The following CPVL variants were observed in gnomAD, a reference collection of about 807,000 sequenced individuals.
CPVL encodes the protein probable serine carboxypeptidase CPVL.
Under a neutral mutation model 63.7 loss-of-function variants are expected in CPVL, and 51 were observed. The ratio of observed to expected loss-of-function variants is 0.80; its 90% confidence interval spans 0.64 to 1.01. The LOEUF is 1.01. Among genes scored for constraint, CPVL ranks in the 50% least tolerant of loss-of-function variants. CPVL has a pLI of 0.00. For synonymous variants in CPVL, 195 were observed against 206.0 expected, an observed-to-expected ratio of 0.95 and a Z score of 0.46; for missense variants, 530 against 573.1, an observed-to-expected ratio of 0.92 and a Z score of 0.77.
intron 1 of CPVL, among the ~76,000 whole-genome samples, chr7:29,139,655 G>A (rs758381300): frequency 2.6e-5 from 4 of 152,020 alleles, no homozygotes; most frequent in Non-Finnish European, 5.9e-5. Context: ...CAGACGTCTC[G>A]GATTTTGCAG....
chr7:29,108,477 T>G (rs1377635531), intron 3 of CPVL, among the ~76,000 whole-genome samples: 1 of 152,226 alleles, frequency 6.6e-6, no homozygotes, highest in Non-Finnish European at 1.5e-5. Flanking sequence ...TAGCAATTAA[T>G]CCACCTTGAT....
chr7:29,156,926 C>G (rs569874122), intron 5 of CPVL, among the ~76,000 whole-genome samples: 3 of 152,214 alleles, frequency 2.0e-5, no homozygotes, highest in East Asian at 3.9e-4. Context: ...AATTTTAACA[C>G]AAGAAAAGAC....
chr7:29,130,538 T>C (rs114180563), intron 1 of CPVL, among the ~76,000 whole-genome samples: 14 of 152,270 alleles, frequency 9.2e-5, no homozygotes, highest in African/African-American at 3.4e-4. Context: ...GCACACCTTT[T>C]CTTGACTGTG....
At chr7:28,998,235 G>C (rs1295064459) in intron 12 of CPVL, among the ~76,000 whole-genome samples, 1 of 152,212 alleles carries the variant, frequency 6.6e-6, no homozygotes, top group African/African-American at 2.4e-5. Flanking sequence ...ACTTAACAAA[G>C]TCATATGTGT....
chr7:29,022,782 T>C (rs1464000665), intron 12 of CPVL, among the ~76,000 whole-genome samples: 2 of 152,226 alleles, frequency 1.3e-5, no homozygotes, highest in Non-Finnish European at 2.9e-5. Context: ...CCTGTGGGCA[T>C]TGTCCAGAGG....
chr7:29,135,794 G>A (rs1182434445), intron 1 of CPVL, among the ~76,000 whole-genome samples: 2 of 152,172 alleles, frequency 1.3e-5, no homozygotes, highest in Admixed American at 6.5e-5. Flanking sequence ...TAGCTTGCAG[G>A]CTCAAGCAAT....
rs556348582 is a variant in CPVL at position 29,184,242 on chromosome 7, A to G, written c.-134+179T>C. On this transcript the variant is annotated intron_variant, in intron 4 of 16. Coordinates refer to the CPVL transcript ENST00000409850. Reference sequence around the variant, plus strand: ...AGAAATATATATAGGAGATATACATATACAATCTATATATAAGATATATAG... The same window carrying G: ...AGAAATATATATAGGAGATATACATGTACAATCTATATATAAGATATATAG... Among the ~76,000 whole-genome samples the G allele has an allele frequency of 2.6e-4, 39 of 150,902 alleles. 1 individual carries two copies. Among genetic ancestry groups the G allele is most frequent in the Middle Eastern group, 3.6e-3 (1 of 280 alleles).
chr7:29,121,181 G>A (rs1789335112), intron 1 of CPVL, 110 bp from the exon 2 acceptor site: 1 of 1,053,808 alleles, frequency 9.5e-7, no homozygotes, highest in Admixed American at 3.3e-5. Context: ...TGTGTGTAAA[G>A]GCCCTCTGCA....
intron 12 of CPVL, among the ~76,000 whole-genome samples, chr7:29,007,586 AG>A (rs1417634788): frequency 6.6e-6 from 1 of 152,232 alleles, no homozygotes; most frequent in Admixed American, 6.5e-5. Flanking sequence ...CATGCAACAC[AG>A]AAAGGAAATA....
chr7:29,132,010 GA>G (rs1480701490), intron 1 of CPVL, among the ~76,000 whole-genome samples: 1 of 152,216 alleles, frequency 6.6e-6, no homozygotes, highest in Admixed American at 6.5e-5. Context: ...CTGCCTTCAT[GA>G]ACTGAGGAAG....
intron 1 of CPVL, chr7:29,127,372 G>A (rs888544897): frequency 1.3e-5 from 2 of 152,130 alleles, no homozygotes; most frequent in African/African-American, 4.8e-5. Flanking sequence ...ACAAAAAACT[G>A]TACTGATTGC....
intron 4 of CPVL, among the ~76,000 whole-genome samples, chr7:29,183,660 A>G (rs557010294): frequency 5.3e-5 from 8 of 152,106 alleles, no homozygotes; most frequent in African/African-American, 1.9e-4. Flanking sequence ...TACAGGTGTG[A>G]GCCACCACAC....
chr7:29,024,803 A>G (rs754330552), intron 12 of CPVL, among the ~76,000 whole-genome samples: 2 of 152,234 alleles, frequency 1.3e-5, no homozygotes, highest in Non-Finnish European at 2.9e-5. Flanking sequence ...AACTGAGGAC[A>G]TTCATTACCA....
In CPVL at chr7:29,018,551, G is replaced by T. The variant is rs763269832; in HGVS notation, c.1320+12026C>A. 1.1e-3 allele frequency among the ~76,000 whole-genome samples: 166 copies of T among 151,880 alleles called. 1 individual carries two copies. The highest frequency in any genetic ancestry group is 3.4e-3 in the Middle Eastern group (1 of 292). On this transcript the variant is annotated intron_variant, in intron 12 of 12. Transcript: ENST00000265394. ...GTGCCACCATGCCTGGCTAATTTTT[G>T]TATTTTTAGTAGAGATGAAGTTTCA...
upstream of CPVL, among the ~76,000 whole-genome samples, chr7:29,150,368 A>G (rs1222253549): frequency 6.6e-6 from 1 of 152,250 alleles, no homozygotes; most frequent in Non-Finnish European, 1.5e-5. Flanking sequence ...AAAAAATGGC[A>G]GCTGTAACAA....
At chr7:28,996,304 CAG>C (rs1234947773) in intron 12 of CPVL, 1 of 154,850 alleles carries the variant, frequency 6.5e-6, no homozygotes, top group Non-Finnish European at 1.4e-5. Context: ...TTCCACCCTT[CAG>C]TTAGCCAGCC....
chr7:29,040,768 C>A (rs533548518), intron 11 of CPVL, among the ~76,000 whole-genome samples: 2 of 152,012 alleles, frequency 1.3e-5, no homozygotes, highest in African/African-American at 4.8e-5. Flanking sequence ...CAGTGTCCAG[C>A]GATTATATAA....
intron 12 of CPVL, among the ~76,000 whole-genome samples, chr7:29,002,918 C>T (rs1784798101): frequency 6.9e-6 from 1 of 144,964 alleles, no homozygotes; most frequent in Non-Finnish European, 1.5e-5. Flanking sequence ...AAACATTTAA[C>T]TTATGTTTAA....
At chr7:29,058,603 T>A (rs1356097538) in intron 11 of CPVL, among the ~76,000 whole-genome samples, 1 of 152,120 alleles carries the variant, frequency 6.6e-6, no homozygotes, top group East Asian at 1.9e-4. Flanking sequence ...TCCCTCAATT[T>A]TTGTTTGTCT....
Sources: allele counts gnomAD v4.1 joint callset (sites outside exome capture counted in the v4.1 genomes callset), GRCh38; gene constraint gnomAD v4.1.1; transcripts MANE v1.5; gene names NCBI Gene and HGNC (gene_info 2026-07-23, HGNC 2026-07-21).